ZFP36L1: variants seen among roughly 807,000 people sequenced by gnomAD.
ZFP36L1 encodes mRNA decay activator protein ZFP36L1.
In ZFP36L1, 4 loss-of-function variants were observed where a neutral mutation model predicts 16.7. The observed-to-expected ratio is 0.24, with a 90% confidence interval of 0.12 to 0.55. The LOEUF is 0.55. ZFP36L1 is among the 20% of genes least tolerant of loss of function. ZFP36L1 has a pLI of 0.94. For missense variants in ZFP36L1, 311 were observed against 449.2 expected (o/e 0.69, Z 2.78); for synonymous variants, 220 against 190.8 (o/e 1.15, Z -1.26).
chr14:68,795,223 G>T (rs1352229761), upstream of ZFP36L1, among the ~76,000 whole-genome samples: 1 of 152,178 alleles, frequency 6.6e-6, no homozygotes, highest in Non-Finnish European at 1.5e-5. Flanking sequence ...AGCAGAGTGC[G>T]CGTTGAAACC....
intron 1 of ZFP36L1, chr14:68,790,940 T>C: frequency 3.5e-6 from 2 of 567,244 alleles, no homozygotes; most frequent in Non-Finnish European, 6.5e-6. Context: ...TTAGGTCCCC[T>C]TCCAATCAGT....
intron 1 of ZFP36L1, among the ~76,000 whole-genome samples, chr14:68,792,567 A>C (rs572591432): frequency 1.3e-5 from 2 of 152,190 alleles, no homozygotes; most frequent in African/African-American, 2.4e-5. Context: ...CGTTACGTAA[A>C]ACAGGATCGC....
At position 68,789,802 on chromosome 14, in the gene ZFP36L1, G is replaced by C; in HGVS notation, c.748C>G (p.Pro250Ala). The C allele has an allele frequency of 1.9e-6, 3 of 1,613,394 alleles. No individual in the cohort carries two copies. Among genetic ancestry groups the C allele is most frequent in the Non-Finnish European group, 2.5e-6 (3 of 1,180,004 alleles). The change falls in exon 2 of 2, where the codon CCT becomes GCT. Residue 250 changes from proline (P) to alanine (A), a missense_variant. By Grantham distance (27) the Pro-to-Ala change is conservative (BLOSUM62 -1). Coordinates refer to ENST00000439696, the MANE Select transcript of ZFP36L1 (RefSeq NM_004926.4). This position sits in a 1 kb window ranked among gnomAD's most constrained non-coding sequence, Gnocchi z 4.5. ...SPTLPDGTNNPFAFSSQELAS... is the reference protein window; with the variant it reads ...SPTLPDGTNNAFAFSSQELAS... ...AGCTCCTGGCTGGAGAAGGCAAAAG[G>C]GTTATTGGTGCCATCGGGCAGGGTA...
At chr14:68,793,929 T>TG, upstream of ZFP36L1, 3 of 180,678 alleles carry the variant, frequency 1.7e-5, no homozygotes, top group South Asian at 2.2e-4. Context: ...TGTGGGCGGG[T>TG]GGGGGGCGCC....
chr14:68,792,484 G>A (rs61025486), intron 1 of ZFP36L1, among the ~76,000 whole-genome samples: 8,066 of 152,154 alleles, frequency 0.053, 389 homozygotes, highest in African/African-American at 0.13. Flanking sequence ...CCACGGGTGG[G>A]TAATGCCGCT....
intron 1 of ZFP36L1, among the ~76,000 whole-genome samples, chr14:68,792,383 T>C (rs536471859): frequency 6.6e-6 from 1 of 152,218 alleles, no homozygotes; most frequent in African/African-American, 2.4e-5. Flanking sequence ...AACTTGGCCT[T>C]TCTTCCTCGC....
chr14:68,792,942 G>C lies in ZFP36L1; in HGVS notation c.-4C>G. ...CAGACACGAGGGTGGTGGTCATCCT[G>C]TGCGTTCGCGCGAGCCAGGGGCGAG... On this transcript the variant is annotated 5_prime_UTR_variant, in exon 1 of 2. Coordinates refer to ENST00000439696, the MANE Select transcript of ZFP36L1 (RefSeq NM_004926.4). 6.2e-7 allele frequency: 1 copy of C among 1,613,918 alleles called. No individual in the cohort carries two copies. The highest frequency in any genetic ancestry group is 8.5e-7 in the Non-Finnish European group (1 of 1,179,968).
In ZFP36L1 at chr14:68,790,470, C is replaced by G. The variant is rs200050152; in HGVS notation, c.80G>C (p.Ser27Thr). The stretch of plus-strand genomic sequence containing the variant: ...CAGGCAACCCCCTGCACTGGGAGCA[C>G]TATAGTTGAGCATCTTGTTACCCTG... ...LCKGNKMLNY[S>T]APSAGGCLLD... Residue 27 changes from serine to threonine, a missense_variant, in exon 2 of 2, where the codon AGT becomes ACT. Transcript: ENST00000439696. 6 of 1,614,068 alleles carry G rather than the reference C, an allele frequency of 3.7e-6. No individual in the cohort carries two copies. In the African/African-American group the frequency reaches 8.0e-5, roughly 22 times the overall value.
chr14:68,793,440 G>T (rs1001003729), upstream of ZFP36L1: 330 of 995,466 alleles, frequency 3.3e-4, no homozygotes, highest in Non-Finnish European at 3.7e-4. Context: ...CCCCTCCTTT[G>T]TCAGCCTCAG....
chr14:68,793,076 G>A (rs1047721389), upstream of ZFP36L1: 7 of 1,572,832 alleles, frequency 4.5e-6, no homozygotes, highest in Non-Finnish European at 6.0e-6. Context: ...CCGGGCTGGG[G>A]CGCGCAAAGC....
upstream of ZFP36L1, chr14:68,793,371 C>T (rs1206313063): frequency 9.9e-7 from 1 of 1,005,468 alleles, no homozygotes; most frequent in East Asian, 1.0e-4. Context: ...ACTTCCCTAC[C>T]CGGCGCTTCA....
upstream of ZFP36L1, chr14:68,793,721 G>T: frequency 2.0e-6 from 2 of 985,514 alleles, no homozygotes; most frequent in Non-Finnish European, 2.4e-6. Context: ...TAGAAATTTG[G>T]GACGCACAGA....
Position 68,789,304 on chromosome 14 carries a change from AG to A in ZFP36L1, c.*228del. On this transcript the variant is annotated 3_prime_UTR_variant, in exon 2 of 2. Transcript: ENST00000439696. The surrounding 1 kb of genome is among the most constrained non-coding windows in gnomAD (Gnocchi z 4.5). ...GGTAAGTGGGCTATAAAATCCAGGGAGGGGGTTTCAAGCCAGAAGAAGCTAC... is the reference window on the plus strand; with the variant it reads ...GGTAAGTGGGCTATAAAATCCAGGGAGGGGTTTCAAGCCAGAAGAAGCTAC... 1.8e-6 allele frequency: 1 copy of A among 565,316 alleles called. No homozygotes were observed. Among genetic ancestry groups the A allele is most frequent in the Non-Finnish European group, 3.0e-6 (1 of 331,106 alleles). 35.0% of individuals were successfully genotyped at this position (565,316 alleles called of 1,614,324 possible).
intron 1 of ZFP36L1, among the ~76,000 whole-genome samples, chr14:68,791,486 G>C (rs1895068383): frequency 6.6e-6 from 1 of 152,070 alleles, no homozygotes; most frequent in Admixed American, 6.5e-5. Context: ...AGGGACCTAG[G>C]AGTTAGTTCC....
In ZFP36L1 at chr14:68,788,498, T is replaced by C. The variant is rs1339116020; in HGVS notation, c.*1035A>G. On this transcript the variant is annotated 3_prime_UTR_variant, in exon 2 of 2. Transcript: ENST00000439696. Reference sequence around the variant, plus strand: ...GTGCTCTAAGGATAGACCTACGGTATTCTAGAGCAAAAACCATTAAAGCTA... The same window carrying C: ...GTGCTCTAAGGATAGACCTACGGTACTCTAGAGCAAAAACCATTAAAGCTA... 2 of 152,706 alleles carry C rather than the reference T, an allele frequency of 1.3e-5. No homozygotes were observed. Among genetic ancestry groups the C allele is most frequent in the Non-Finnish European group, 2.9e-5 (2 of 68,042 alleles). 9.5% of individuals were successfully genotyped at this position (152,706 alleles called of 1,614,324 possible). A position where few individuals can be genotyped will look rare whatever the true frequency, so the allele number is the denominator to read the frequency against.
In ZFP36L1 at chr14:68,790,015, C is replaced by A. The variant is rs1266218244; in HGVS notation, c.535G>T (p.Ala179Ser). The change falls in exon 2 of 2, where the codon GCT (alanine) becomes TCT (serine). Residue 179 changes from alanine to serine, a missense_variant. Physicochemically the swap from Ala to Ser is moderately conservative, Grantham distance 99. Transcript: ENST00000439696. ...YGPRCHFIHNAEERRALAGAR... is the reference protein window; with the variant it reads ...YGPRCHFIHNSEERRALAGAR... ...CCGGCCAGGGCACGGCGCTCTTCAG[C>A]GTTGTGGATGAAGTGGCAGCGGGGC... 6.2e-7 allele frequency: 1 copy of A among 1,609,106 alleles called. No homozygotes were observed. Among genetic ancestry groups the A allele is most frequent in the Non-Finnish European group, 8.5e-7 (1 of 1,178,328 alleles).
At chr14:68,793,757 G>T (rs1409827631), upstream of ZFP36L1, 2 of 985,492 alleles carry the variant, frequency 2.0e-6, no homozygotes, top group African/African-American at 3.5e-5. Flanking sequence ...ATTTTATGTT[G>T]CTGTTTTTTT....
At chr14:68,790,606 T>A in intron 1 of ZFP36L1, 114 bp from the exon 2 acceptor site, 2 of 1,414,232 alleles carry the variant, frequency 1.4e-6, no homozygotes, top group Non-Finnish European at 1.9e-6. Flanking sequence ...AACTCATCTC[T>A]ACCTCGGCTC....
At chr14:68,793,394 C>A (rs1321417179), upstream of ZFP36L1, 1 of 1,002,500 alleles carries the variant, frequency 1.0e-6, no homozygotes, top group African/African-American at 1.7e-5. Context: ...CGCCCCCTCT[C>A]CGGGGCCGCG....
Sources: allele counts gnomAD v4.1 joint callset (sites outside exome capture counted in the v4.1 genomes callset), GRCh38; gene constraint gnomAD v4.1.1; non-coding constraint Gnocchi (gnomAD v3.1); transcripts MANE v1.5; gene names NCBI Gene and HGNC (gene_info 2026-07-23, HGNC 2026-07-21).